The following MYCBP2 variants were observed in gnomAD, a reference collection of about 807,000 sequenced individuals.
MYCBP2 encodes the protein MYC binding protein 2, also known as E3 ubiquitin-protein ligase MYCBP2.
MYCBP2 carries 120 observed loss-of-function variants against 525.3 expected under a neutral mutation model. That is an observed-to-expected ratio of 0.23 (90% CI 0.20 to 0.27). MYCBP2 has a LOEUF of 0.27. Ranked by LOEUF, MYCBP2 falls within the 10% of genes least tolerant of loss-of-function variation. MYCBP2 has a pLI of 1.00. For synonymous variants in MYCBP2, 1,894 were observed against 1,955.8 expected (o/e 0.97, Z 0.83); for missense variants, 4,149 against 5,657.1 (o/e 0.73, Z 8.55).
At chr13:77,293,708 T>G (rs1470595948) in intron 2 of MYCBP2, among the ~76,000 whole-genome samples, 2 of 152,018 alleles carry the variant, frequency 1.3e-5, no homozygotes, top group Non-Finnish European at 2.9e-5. Flanking sequence ...CAGAAAACTA[T>G]CAGTGATGCC....
chr13:77,157,137 T>C (rs2057305165), intron 45 of MYCBP2, among the ~76,000 whole-genome samples: 1 of 152,186 alleles, frequency 6.6e-6, no homozygotes, highest in African/African-American at 2.4e-5. Flanking sequence ...CCCAAGCTGG[T>C]TGCAGTGGCA....
At chr13:77,317,625 A>T (rs1257258815) in intron 1 of MYCBP2, among the ~76,000 whole-genome samples, 1 of 152,140 alleles carries the variant, frequency 6.6e-6, no homozygotes, top group Admixed American at 6.5e-5. Context: ...AGATGGGACA[A>T]ATGATTCTCC....
At chr13:77,320,222 G>A (rs543110782) in intron 1 of MYCBP2, among the ~76,000 whole-genome samples, 2 of 152,332 alleles carry the variant, frequency 1.3e-5, no homozygotes, top group Non-Finnish European at 2.9e-5. Context: ...GCAATGCGTG[G>A]AGTGGGACTC....
At chr13:77,090,470 A>T in intron 59 of MYCBP2, 1 of 364,680 alleles carries the variant, frequency 2.7e-6, no homozygotes. Context: ...CTTAAAACTT[A>T]TGGTTTTCTT....
chr13:77,122,376 T>C (rs1309636023), intron 54 of MYCBP2, among the ~76,000 whole-genome samples: 2 of 152,132 alleles, frequency 1.3e-5, no homozygotes, highest in Admixed American at 1.3e-4. Context: ...TTTTAAAATA[T>C]CTTTAAGTAT....
intron 7 of MYCBP2, among the ~76,000 whole-genome samples, chr13:77,269,721 C>T (rs2074614977): frequency 6.6e-6 from 1 of 151,888 alleles, no homozygotes; most frequent in South Asian, 2.1e-4. Context: ...ATGTTTAATC[C>T]CATATTAAAG....
rs1271140985 is a variant in MYCBP2 at position 77,045,155 on chromosome 13, TTGA to T, written c.*220_*222del. 14 of 465,950 alleles carry T rather than the reference TTGA, an allele frequency of 3.0e-5. No homozygotes were observed. The highest frequency in any genetic ancestry group is 1.9e-4 in the Admixed American group (5 of 26,212). The allele number at this position is 465,950 out of a possible 1,614,324, so 28.9% of individuals were successfully genotyped here. A position where few individuals can be genotyped will look rare whatever the true frequency, so the allele number is the denominator to read the frequency against. On this transcript the variant is annotated 3_prime_UTR_variant, in exon 83 of 83. Coordinates refer to ENST00000544440, the MANE Select transcript of MYCBP2 (RefSeq NM_015057.5). ...GGCCACATGCAAACACCTCACAAGT[TTGA>T]TGTCATTTGTTCAAAAGAAGATAAA...
chr13:77,300,422 A>AT (rs2078657076), intron 1 of MYCBP2, among the ~76,000 whole-genome samples: 1 of 152,162 alleles, frequency 6.6e-6, no homozygotes, highest in Non-Finnish European at 1.5e-5. Flanking sequence ...AAACTTCCAA[A>AT]TTTCACATAA....
intron 52 of MYCBP2, among the ~76,000 whole-genome samples, chr13:77,138,059 A>G (rs1220500198): frequency 3.3e-5 from 5 of 152,236 alleles, no homozygotes; most frequent in South Asian, 2.1e-4. Flanking sequence ...GGAAAATTTA[A>G]TAAGACGTAA....
At chr13:77,270,121 A>T in intron 6 of MYCBP2, 58 bp from the exon 7 acceptor site, 2 of 1,510,820 alleles carry the variant, frequency 1.3e-6, no homozygotes, top group Admixed American at 4.1e-5. Context: ...ATCAATGAAA[A>T]ATAATACAAA....
At position 77,191,742 on chromosome 13, in the gene MYCBP2, C is replaced by T. The variant is rs776842585; in HGVS notation, c.4007G>A (p.Arg1336Gln). Residue 1336 changes from arginine to glutamine, a missense_variant, in exon 28 of 83, where the codon CGA becomes CAA. Around this residue, in one of 21 missense-constraint regions of MYCBP2, gnomAD observed 620 missense variants for 795.5 expected, o/e 0.78. Transcript: ENST00000544440. Reference sequence around the variant, plus strand: ...ACAGTCACTGCTGGGTCCTGACACTCGGGCCCATGCCACATACCACCACCC... The same window carrying T: ...ACAGTCACTGCTGGGTCCTGACACTTGGGCCCATGCCACATACCACCACCC... ...QAGWWYVAWA[R>Q]VSGPSSDCGS... The T allele has an allele frequency of 2.5e-6, 4 of 1,613,988 alleles. No homozygotes were observed. Among genetic ancestry groups the T allele is most frequent in the South Asian group, 1.1e-5 (1 of 91,076 alleles).
At chr13:77,166,859 T>C (rs1412485115) in intron 40 of MYCBP2, among the ~76,000 whole-genome samples, 1 of 152,088 alleles carries the variant, frequency 6.6e-6, no homozygotes, top group Admixed American at 6.5e-5. Flanking sequence ...TAAATGACTC[T>C]CTAAGTGTAT....
chr13:77,316,275 C>T (rs1190811755), intron 1 of MYCBP2, among the ~76,000 whole-genome samples: 1 of 152,114 alleles, frequency 6.6e-6, no homozygotes, highest in Non-Finnish European at 1.5e-5. Context: ...TCATATCAAA[C>T]AACTGAAAAA....
intron 55 of MYCBP2, among the ~76,000 whole-genome samples, chr13:77,119,039 T>G (rs2154155037): frequency 6.6e-6 from 1 of 152,344 alleles, no homozygotes; most frequent in Non-Finnish European, 1.5e-5. Flanking sequence ...TTTTAAGTTG[T>G]TACTGCCAAA....
At chr13:77,065,493 A>C (rs971556416) in intron 72 of MYCBP2, among the ~76,000 whole-genome samples, 4 of 152,204 alleles carry the variant, frequency 2.6e-5, no homozygotes, top group African/African-American at 9.7e-5. Flanking sequence ...GGAAAATGAC[A>C]AGGAGCAACT....
chr13:77,315,894 CA>C (rs34819956), intron 1 of MYCBP2, among the ~76,000 whole-genome samples: 38,814 of 94,350 alleles, frequency 0.41, 4,512 homozygotes, highest in Middle Eastern at 0.51. Context: ...GGCTCTGTCT[CA>C]AAAAAAAAAA....
intron 49 of MYCBP2, chr13:77,144,102 A>G (rs1025495067): frequency 7.4e-6 from 2 of 268,680 alleles, no homozygotes; most frequent in African/African-American, 4.4e-5. Flanking sequence ...TGGAAGATCC[A>G]AACATGAATG....
At chr13:77,078,771 A>C in intron 66 of MYCBP2, 53 bp downstream of exon 66, 1 of 1,438,268 alleles carries the variant, frequency 7.0e-7, no homozygotes, top group South Asian at 1.1e-5. Context: ...AAGGCTGAGA[A>C]GAAGAAATTT....
intron 23 of MYCBP2, among the ~76,000 whole-genome samples, chr13:77,210,339 C>T (rs1463184120): frequency 6.6e-6 from 1 of 151,680 alleles, no homozygotes; most frequent in Non-Finnish European, 1.5e-5. Context: ...ATTACAGGTG[C>T]CCGCCACCAC....
Sources: gnomAD v4.1 joint callset for allele counts (sites outside exome capture counted in the v4.1 genomes callset) on GRCh38, gnomAD v4.1.1 for gene constraint, gnomAD v4.1.1 regional missense constraint, MANE v1.5 for transcripts, NCBI Gene and HGNC (gene_info 2026-07-23, HGNC 2026-07-21) for gene names.